Variants in ROBO2 observed in about 807,000 individuals in gnomAD.
ROBO2 encodes the protein roundabout homolog 2.
ROBO2 carries 53 observed loss-of-function variants against 160.8 expected under a neutral mutation model. The observed-to-expected ratio is 0.33, with a 90% CI of 0.26 to 0.41. ROBO2 has a LOEUF of 0.41. ROBO2 is among the 10% of genes least tolerant of loss of function. The pLI is 1.00. For synonymous variants in ROBO2, 664 were observed against 611.7 expected, an observed-to-expected ratio of 1.09 and a Z score of -1.26; for missense variants, 1,577 against 1,722.4, an observed-to-expected ratio of 0.92 and a Z score of 1.49.
chr3:75,933,921 A>T (rs1416241736), intron 1 of ROBO2, among the ~76,000 whole-genome samples: 2 of 152,128 alleles, frequency 1.3e-5, no homozygotes, highest in African/African-American at 4.8e-5. Flanking sequence ...GATGTAATGC[A>T]TCTCTTAAAC....
chr3:76,883,137 T>C (rs1229435942), intron 2 of ROBO2, among the ~76,000 whole-genome samples: 2 of 152,164 alleles, frequency 1.3e-5, no homozygotes, highest in African/African-American at 2.4e-5. Flanking sequence ...ATTATAACTA[T>C]TTTAATTACT....
intron 2 of ROBO2, among the ~76,000 whole-genome samples, chr3:76,911,679 T>A (rs2075999176): frequency 6.6e-6 from 1 of 152,232 alleles, no homozygotes. Flanking sequence ...GAAAGATTTT[T>A]TTAATTCTCA....
At chr3:76,168,933 G>A (rs1328709269) in intron 2 of ROBO2, among the ~76,000 whole-genome samples, 2 of 151,386 alleles carry the variant, frequency 1.3e-5, no homozygotes, top group African/African-American at 4.9e-5. Context: ...TGTTTTCAAG[G>A]AGTTTATATA....
chr3:76,095,052 G>A (rs1337895191), intron 2 of ROBO2, among the ~76,000 whole-genome samples: 3 of 152,136 alleles, frequency 2.0e-5, no homozygotes, highest in Non-Finnish European at 4.4e-5. Flanking sequence ...GAATTAAATT[G>A]TAGGAAAAAG....
Position 75,995,112 on chromosome 3 carries a change from G to A in ROBO2, c.109+57510G>A, listed in dbSNP as rs548808088. On this transcript the variant is annotated intron_variant, in intron 2 of 26. Coordinates refer to the ROBO2 transcript ENST00000487694. ...ATAGACAAGAAAAACATTTTCTGGG[G>A]AGAAATTAAAGCCTGCTGCAGAAAT... Among the ~76,000 whole-genome samples, 3 of 152,282 alleles carry A rather than the reference G, an allele frequency of 2.0e-5. No homozygotes were observed. The East Asian group carries it at 5.8e-4, about 30-fold the overall frequency.
intron 19 of ROBO2, among the ~76,000 whole-genome samples, chr3:77,597,321 A>AAATC (rs1239077624): frequency 3.8e-5 from 4 of 105,238 alleles, no homozygotes; most frequent in Non-Finnish European, 8.5e-5. Context: ...ATAAATAAAT[A>AAATC]AATAAAAAAG....
intron 2 of ROBO2, among the ~76,000 whole-genome samples, chr3:77,285,364 TCCACTGATC>T (rs747724477): frequency 4.6e-5 from 7 of 152,124 alleles, no homozygotes; most frequent in Non-Finnish European, 8.8e-5. Flanking sequence ...GTTAAGTCCA[TCCACTGATC>T]CTGCTTTCAG....
intron 2 of ROBO2, among the ~76,000 whole-genome samples, chr3:76,567,626 T>TATATATAC (rs2084619095): frequency 1.5e-5 from 1 of 68,764 alleles, no homozygotes; most frequent in South Asian, 5.2e-4. Context: ...TACTGATATA[T>TATATATAC]ATATATATAT....
At chr3:76,803,434 A>AGGAAGGATGGAGGGAAGGAG (rs2064392417) in intron 2 of ROBO2, among the ~76,000 whole-genome samples, 3 of 47,152 alleles carry the variant, frequency 6.4e-5, no homozygotes, top group Non-Finnish European at 1.1e-4. Context: ...ACAAAAGAGG[A>AGGAAGGATGGAGGGAAGGAG]GGAAGGATGG....
At position 77,192,756 on chromosome 3, in the gene ROBO2, G is replaced by C. The variant is rs370517484; in HGVS notation, c.388+94416G>C. ...TGCCTCCTGGGTTCAAGCAACTCTGGTGCCTCAGCCCCCCAAGTAGCTGGG... is the reference window on the plus strand; with the variant it reads ...TGCCTCCTGGGTTCAAGCAACTCTGCTGCCTCAGCCCCCCAAGTAGCTGGG... On this transcript the variant is annotated intron_variant, in intron 2 of 25. Coordinates refer to ENST00000461745, the Ensembl canonical transcript of ROBO2. 3.5e-4 allele frequency among the ~76,000 whole-genome samples: 51 copies of C among 145,538 alleles called. 1 individual carries two copies. In the South Asian group the frequency reaches 4.7e-3, roughly 13 times the overall value.
At position 77,310,693 on chromosome 3, in the gene ROBO2, C is replaced by CT. The variant is rs201741878; in HGVS notation, c.389-166713dup. The stretch of plus-strand genomic sequence containing the variant: ...ATCTTGTTTCTCTTAAGATTCAAGC[C>CT]TTTTTTTTCAGAACAGTTATCCAAT... On this transcript the variant is annotated intron_variant, in intron 2 of 25. Coordinates refer to ENST00000461745, the Ensembl canonical transcript of ROBO2. Among the ~76,000 whole-genome samples, 1,003 of 151,594 alleles carry CT rather than the reference C, an allele frequency of 6.6e-3. 4 individuals carry two copies. The highest frequency in any genetic ancestry group is 9.9e-3 in the Non-Finnish European group (669 of 67,826).
At chr3:76,043,956 G>C (rs1397052001) in intron 2 of ROBO2, among the ~76,000 whole-genome samples, 1 of 151,844 alleles carries the variant, frequency 6.6e-6, no homozygotes, top group Non-Finnish European at 1.5e-5. Flanking sequence ...GTTACATCAC[G>C]ATGTTGAGTG....
intron 2 of ROBO2, among the ~76,000 whole-genome samples, chr3:77,389,751 A>G (rs1019596815): frequency 6.7e-5 from 10 of 148,868 alleles, no homozygotes; most frequent in Admixed American, 4.0e-4. Flanking sequence ...GAGTTCATTA[A>G]CTTTTTTTTA....
chr3:76,312,740 C>T (rs781444134), intron 2 of ROBO2, among the ~76,000 whole-genome samples: 2 of 152,192 alleles, frequency 1.3e-5, no homozygotes, highest in Admixed American at 6.5e-5. Flanking sequence ...GTATTTCTTA[C>T]ATATGGTCAG....
At chr3:77,559,856 G>GA (rs2153659903) in intron 9 of ROBO2, among the ~76,000 whole-genome samples, 1 of 151,866 alleles carries the variant, frequency 6.6e-6, no homozygotes, top group East Asian at 1.9e-4. Flanking sequence ...GCTTTAAATA[G>GA]AAAAAATGCT....
At chr3:77,317,567 G>A in intron 2 of ROBO2, 1 of 1,359,936 alleles carries the variant, frequency 7.4e-7, no homozygotes, top group Non-Finnish European at 1.0e-6. Context: ...GACATCCCTA[G>A]CAGATTTGCC....
chr3:77,395,152 A>G (rs2075143937), intron 2 of ROBO2, among the ~76,000 whole-genome samples: 1 of 152,152 alleles, frequency 6.6e-6, no homozygotes, highest in African/African-American at 2.4e-5. Context: ...TAGGATTGCC[A>G]CAGTCTAATT....
chr3:76,362,876 G>A (rs1316317339), intron 2 of ROBO2, among the ~76,000 whole-genome samples: 1 of 152,076 alleles, frequency 6.6e-6, no homozygotes, highest in East Asian at 1.9e-4. Flanking sequence ...TCGTTCAACA[G>A]AAACTGTTAC....
chr3:76,608,034 A>G (rs2087793930), intron 2 of ROBO2, among the ~76,000 whole-genome samples: 1 of 152,246 alleles, frequency 6.6e-6, no homozygotes, highest in Non-Finnish European at 1.5e-5. Flanking sequence ...GAGAAAAACA[A>G]AGCAAACAAA....
Sources: gnomAD v4.1 joint callset for allele counts (sites outside exome capture counted in the v4.1 genomes callset) on GRCh38, gnomAD v4.1.1 for gene constraint, MANE v1.5 for transcripts, NCBI Gene and HGNC (gene_info 2026-07-23, HGNC 2026-07-21) for gene names.